PPARGC1A: variants seen among roughly 807,000 people sequenced by gnomAD.
PPARGC1A encodes peroxisome proliferator-activated receptor gamma coactivator 1-alpha.
PPARGC1A carries 25 observed loss-of-function variants against 88.7 expected under a neutral mutation model. The observed-to-expected ratio is 0.28, with a 90% CI of 0.21 to 0.39. PPARGC1A has a LOEUF of 0.39. Among genes scored for constraint, PPARGC1A ranks in the 10% least tolerant of loss-of-function variants. The pLI, the probability that PPARGC1A is intolerant of heterozygous loss-of-function variation, is 1.00. For synonymous variants in PPARGC1A, 363 were observed against 355.6 expected (o/e 1.02, Z -0.24); for missense variants, 880 against 968.7 (o/e 0.91, Z 1.22).
the PPARGC1A span, among the ~76,000 whole-genome samples, chr4:24,330,851 C>A: frequency 1.3e-5 from 2 of 152,072 alleles, no homozygotes; most frequent in African/African-American, 4.8e-5. Context: ...TGGCAGGCAA[C>A]TTTTTCCATT....
At chr4:23,958,493 C>A in the PPARGC1A span, among the ~76,000 whole-genome samples, 1 of 152,052 alleles carries the variant, frequency 6.6e-6, no homozygotes, top group African/African-American at 2.4e-5. Context: ...TTTTCTAAAA[C>A]TCTGCTTTAT....
chr4:23,894,389 A>G (rs576795590), upstream of PPARGC1A, among the ~76,000 whole-genome samples: 1 of 152,242 alleles, frequency 6.6e-6, no homozygotes, highest in South Asian at 2.1e-4. Flanking sequence ...AGAACACAAA[A>G]GTTGGTAGCA....
upstream of PPARGC1A, among the ~76,000 whole-genome samples, chr4:23,901,176 G>T (rs988672023): frequency 7.3e-4 from 111 of 152,092 alleles, no homozygotes; most frequent in African/African-American, 2.6e-3. Context: ...GACCATCCTG[G>T]CTAACACGGT....
At chr4:23,802,952 T>C (rs1327349635) in intron 10 of PPARGC1A, among the ~76,000 whole-genome samples, 4 of 152,214 alleles carry the variant, frequency 2.6e-5, no homozygotes, top group Non-Finnish European at 4.4e-5. Context: ...AAAAGAAATC[T>C]GTATAGTGCA....
chr4:24,408,425 G>A, the PPARGC1A span, among the ~76,000 whole-genome samples: 1 of 151,398 alleles, frequency 6.6e-6, no homozygotes, highest in Non-Finnish European at 1.5e-5. Context: ...TGAATATTGT[G>A]ATCGCAAATA....
the PPARGC1A span, among the ~76,000 whole-genome samples, chr4:24,469,360 T>C: frequency 6.6e-6 from 1 of 152,160 alleles, no homozygotes; most frequent in African/African-American, 2.4e-5. Flanking sequence ...TCTCTGAAAA[T>C]GGAGATTGTG....
the PPARGC1A span, among the ~76,000 whole-genome samples, chr4:24,465,951 T>C: frequency 3.3e-5 from 5 of 152,208 alleles, no homozygotes; most frequent in African/African-American, 9.6e-5. Flanking sequence ...ATATATATGA[T>C]AGGGTTTTGA....
chr4:23,852,197 G>T (rs1295196177), intron 2 of PPARGC1A, among the ~76,000 whole-genome samples: 2 of 152,148 alleles, frequency 1.3e-5, no homozygotes, highest in African/African-American at 2.4e-5. Flanking sequence ...TCAAACTAGA[G>T]GTCTTCAGGA....
chr4:24,115,277 C>T, the PPARGC1A span, among the ~76,000 whole-genome samples: 2 of 152,040 alleles, frequency 1.3e-5, no homozygotes, highest in Non-Finnish European at 2.9e-5. Flanking sequence ...GCACAATTGT[C>T]GCTTTAAAAA....
At chr4:24,360,638 A>G in the PPARGC1A span, among the ~76,000 whole-genome samples, 1 of 152,188 alleles carries the variant, frequency 6.6e-6, no homozygotes, top group African/African-American at 2.4e-5. Flanking sequence ...ACATCTGTTG[A>G]AGCAATGCAG....
the PPARGC1A span, among the ~76,000 whole-genome samples, chr4:24,081,394 G>A: frequency 6.6e-6 from 1 of 151,990 alleles, no homozygotes; most frequent in Non-Finnish European, 1.5e-5. Context: ...TGTAAAAAAA[G>A]GAATCCAGCA....
intron 2 of PPARGC1A, among the ~76,000 whole-genome samples, chr4:23,851,737 C>A (rs1170933521): frequency 6.6e-6 from 1 of 152,076 alleles, no homozygotes; most frequent in Non-Finnish European, 1.5e-5. Flanking sequence ...AAGAGTGAAC[C>A]TTTTTATTGT....
At chr4:23,946,003 C>T in the PPARGC1A span, among the ~76,000 whole-genome samples, 1 of 152,050 alleles carries the variant, frequency 6.6e-6, no homozygotes, top group East Asian at 1.9e-4. Flanking sequence ...AAGCGACAGG[C>T]CGGACCCTCC....
intron 7 of PPARGC1A, among the ~76,000 whole-genome samples, chr4:23,817,325 T>C (rs189768708): frequency 6.6e-6 from 1 of 152,078 alleles, no homozygotes; most frequent in Non-Finnish European, 1.5e-5. Flanking sequence ...TTGATTGTAC[T>C]TTCTTTGGGT....
chr4:24,088,022 A>C, the PPARGC1A span, among the ~76,000 whole-genome samples: 1 of 152,184 alleles, frequency 6.6e-6, no homozygotes, highest in Admixed American at 6.5e-5. Flanking sequence ...GAGATGAAAG[A>C]GTTAAAGTAT....
rs61203605 is a variant in PPARGC1A, at chr4:23,816,867, C to T, written c.878-2262G>A. ...CTTGTCTTTCCAAATCAGTTATAAGCGCTTTGCAGGATGTTGCTTGGGCAC... is the reference window on the plus strand; with the variant it reads ...CTTGTCTTTCCAAATCAGTTATAAGTGCTTTGCAGGATGTTGCTTGGGCAC... On this transcript the variant is annotated intron_variant, in intron 7 of 12. Transcript: ENST00000264867. Among the ~76,000 whole-genome samples the T allele has an allele frequency of 1.6e-3, 244 of 152,244 alleles. 2 individuals are homozygous for T. The highest frequency in any genetic ancestry group is 2.7e-3 in the Non-Finnish European group (187 of 68,012).
chr4:24,429,083 G>A, the PPARGC1A span, among the ~76,000 whole-genome samples: 2 of 152,180 alleles, frequency 1.3e-5, no homozygotes, highest in Non-Finnish European at 2.9e-5. Context: ...GTACACCCTT[G>A]TGGTCAGTAG....
the PPARGC1A span, among the ~76,000 whole-genome samples, chr4:24,286,163 T>C: frequency 6.6e-6 from 1 of 151,986 alleles, no homozygotes; most frequent in East Asian, 1.9e-4. Context: ...AACAGGTGAA[T>C]GATACGTTCA....
the PPARGC1A span, among the ~76,000 whole-genome samples, chr4:24,066,935 C>T: frequency 7.4e-5 from 10 of 134,320 alleles, no homozygotes; most frequent in South Asian, 2.4e-4. Flanking sequence ...TTGCTTTAGG[C>T]GGTGAAGGCC....
Sources: gnomAD v4.1 joint callset for allele counts (sites outside exome capture counted in the v4.1 genomes callset) on GRCh38, gnomAD v4.1.1 for gene constraint, MANE v1.5 for transcripts, NCBI Gene and HGNC (gene_info 2026-07-23, HGNC 2026-07-21) for gene names.